TMEFF2: variants seen among roughly 807,000 people sequenced by gnomAD.
The protein encoded by TMEFF2 is tomoregulin-2.
In TMEFF2, 28 loss-of-function variants were observed where a neutral mutation model predicts 53.8. The ratio of observed to expected loss-of-function variants is 0.52; its 90% CI spans 0.39 to 0.71. The LOEUF (loss-of-function observed/expected upper bound fraction) is 0.71, where lower values mean the gene tolerates loss of function less well. Among genes scored for constraint, TMEFF2 ranks in the 30% least tolerant of loss-of-function variants. The pLI is 0.00. For synonymous variants in TMEFF2, 162 were observed against 166.3 expected (o/e 0.97, Z 0.20); for missense variants, 353 against 455.2 (o/e 0.78, Z 2.04).
intron 4 of TMEFF2, among the ~76,000 whole-genome samples, chr2:192,164,094 A>G (rs1212504375): frequency 1.3e-5 from 2 of 152,172 alleles, no homozygotes; most frequent in Non-Finnish European, 2.9e-5. Flanking sequence ...CACAGATGCC[A>G]GAGCAATCTT....
chr2:192,030,011 AAG>A (rs1246135537), intron 5 of TMEFF2, among the ~76,000 whole-genome samples: 1 of 152,220 alleles, frequency 6.6e-6, no homozygotes, highest in Non-Finnish European at 1.5e-5. Flanking sequence ...GAGAATAAAA[AAG>A]GCAAATAATA....
At chr2:192,188,673 TA>T (rs765280802) in intron 2 of TMEFF2, among the ~76,000 whole-genome samples, 27 of 152,198 alleles carry the variant, frequency 1.8e-4, no homozygotes, top group Non-Finnish European at 3.1e-4. Flanking sequence ...CTGAATTAGG[TA>T]ATACCTGAAA....
intron 9 of TMEFF2, among the ~76,000 whole-genome samples, chr2:191,951,503 AG>A (rs1691881741): frequency 6.6e-6 from 1 of 152,136 alleles, no homozygotes; most frequent in Non-Finnish European, 1.5e-5. Flanking sequence ...AGACCAGATG[AG>A]GAAGACGAAA....
intron 4 of TMEFF2, among the ~76,000 whole-genome samples, chr2:192,077,148 G>A (rs1688451420): frequency 6.6e-6 from 1 of 152,148 alleles, no homozygotes; most frequent in Admixed American, 6.6e-5. Context: ...TGACCAGAAG[G>A]TGGAAAATAG....
chr2:192,120,723 T>A (rs1016104123), intron 4 of TMEFF2, among the ~76,000 whole-genome samples: 3 of 152,134 alleles, frequency 2.0e-5, no homozygotes, highest in Non-Finnish European at 4.4e-5. Flanking sequence ...CACTCTTTCA[T>A]AAATTTATTG....
At chr2:192,018,243 A>G (rs559108219) in intron 5 of TMEFF2, among the ~76,000 whole-genome samples, 52 of 152,162 alleles carry the variant, frequency 3.4e-4, no homozygotes, top group Non-Finnish European at 6.0e-4. Flanking sequence ...TAATTGGCAA[A>G]CTCACTTGAG....
chr2:191,999,225 A>G lies in TMEFF2; in HGVS notation c.537-17T>C, dbSNP rs1265990057. On this transcript the variant is annotated splice_polypyrimidine_tract_variant and intron_variant, in intron 5 of 9. Transcript: ENST00000272771. ...CACACACACCTAAAAAAAGAGAGAA[A>G]TAAAAACATGTAACATCAATAGTGT... The G allele has an allele frequency of 3.2e-6, 5 of 1,565,996 alleles. No individual in the cohort carries two copies. Among genetic ancestry groups the G allele is most frequent in the Non-Finnish European group, 4.4e-6 (5 of 1,148,546 alleles).
intron 5 of TMEFF2, among the ~76,000 whole-genome samples, chr2:192,046,680 TTTC>T (rs1333763187): frequency 6.6e-6 from 1 of 152,202 alleles, no homozygotes. Context: ...TTCTTTTTCT[TTTC>T]TTTCTTCCCC....
intron 5 of TMEFF2, among the ~76,000 whole-genome samples, chr2:192,003,342 T>C (rs1181437117): frequency 6.6e-6 from 1 of 152,166 alleles, no homozygotes; most frequent in East Asian, 1.9e-4. Flanking sequence ...TTCTACATAC[T>C]GAAAGTACAA....
At chr2:192,146,554 ACTG>A (rs1006094146) in intron 4 of TMEFF2, among the ~76,000 whole-genome samples, 2 of 151,988 alleles carry the variant, frequency 1.3e-5, no homozygotes, top group African/African-American at 2.4e-5. Flanking sequence ...AGTCATGTGA[ACTG>A]CTACATTTCT....
At chr2:192,063,755 G>A (rs999955818) in intron 4 of TMEFF2, among the ~76,000 whole-genome samples, 1 of 151,698 alleles carries the variant, frequency 6.6e-6, no homozygotes, top group Non-Finnish European at 1.5e-5. Flanking sequence ...TAAACTTTCA[G>A]TAGTCTTATG....
rs1425665598 is a variant in TMEFF2 at position 191,950,228 on chromosome 2, C to G, written c.*83G>C. The stretch of plus-strand genomic sequence containing the variant: ...CAAATGCAAGGCAACATGTGTAGAT[C>G]TCTTGTCTTATTCTTTTGTCTATAA... On this transcript the variant is annotated 3_prime_UTR_variant, in exon 10 of 10. Transcript: ENST00000272771. 4 of 1,583,686 alleles carry G rather than the reference C, an allele frequency of 2.5e-6. No homozygotes were observed. Among genetic ancestry groups the G allele is most frequent in the Non-Finnish European group, 3.4e-6 (4 of 1,165,186 alleles).
intron 4 of TMEFF2, among the ~76,000 whole-genome samples, chr2:192,147,762 C>A (rs2105996971): frequency 6.6e-6 from 1 of 152,156 alleles, no homozygotes; most frequent in East Asian, 1.9e-4. Flanking sequence ...ACTTGACTTT[C>A]AACATGATAG....
Position 192,002,741 on chromosome 2 carries a change from A to AATC in TMEFF2, c.537-3536_537-3534dup, listed in dbSNP as rs374477008. Among the ~76,000 whole-genome samples the AATC allele has an allele frequency of 3.3e-3, 496 of 152,232 alleles. 8 individuals are homozygous for AATC. The highest frequency in any genetic ancestry group is 0.026 in the South Asian group (125 of 4,816). ...GCTACTCAGGAGGCTGAGGCAGGAG[A>AATC]ATCACTTGAACGGGGGAGGCGGAGG... On this transcript the variant is annotated intron_variant, in intron 5 of 9. Coordinates refer to ENST00000272771, the MANE Select transcript of TMEFF2 (RefSeq NM_016192.4).
chr2:192,010,002 G>A (rs1686587551), intron 5 of TMEFF2, among the ~76,000 whole-genome samples: 1 of 152,154 alleles, frequency 6.6e-6, no homozygotes, highest in African/African-American at 2.4e-5. Flanking sequence ...TTTCTAAGTT[G>A]TTTAAACAAA....
chr2:192,097,951 G>A (rs1023452899), intron 4 of TMEFF2, among the ~76,000 whole-genome samples: 1 of 152,262 alleles, frequency 6.6e-6, no homozygotes, highest in South Asian at 2.1e-4. Flanking sequence ...GGACGGAAGG[G>A]AGAATGAAGA....
intron 4 of TMEFF2, among the ~76,000 whole-genome samples, chr2:192,104,405 G>T (rs1199111745): frequency 6.6e-6 from 1 of 151,942 alleles, no homozygotes; most frequent in Non-Finnish European, 1.5e-5. Context: ...TACATAAGAG[G>T]TTTTCTTTTA....
chr2:192,069,964 A>ATGTG lies in TMEFF2; in HGVS notation c.440-12193_440-12190dup, dbSNP rs377496762. On this transcript the variant is annotated intron_variant, in intron 4 of 9. Coordinates refer to ENST00000272771, the MANE Select transcript of TMEFF2 (RefSeq NM_016192.4). ...CCCTGTTTTTTCTAGATTTAGAAAA[A>ATGTG]TGTGTGTGTGTGTGTGTGTGTGTGT... Among the ~76,000 whole-genome samples the ATGTG allele has an allele frequency of 3.3e-3, 282 of 86,524 alleles. 2 individuals are homozygous for ATGTG. Among genetic ancestry groups the ATGTG allele is most frequent in the South Asian group, 8.4e-3 (18 of 2,146 alleles). The allele number at this position is 86,524 out of a possible 152,430, so 56.8% of individuals were successfully genotyped here. A position where few individuals can be genotyped will look rare whatever the true frequency, so the allele number is the denominator to read the frequency against.
intron 7 of TMEFF2, among the ~76,000 whole-genome samples, chr2:191,978,835 T>C (rs1418598883): frequency 2.0e-5 from 3 of 152,172 alleles, no homozygotes; most frequent in Non-Finnish European, 4.4e-5. Context: ...AAGATTTTTT[T>C]CTTCTTATGG....
Sources: allele counts gnomAD v4.1 joint callset (sites outside exome capture counted in the v4.1 genomes callset), GRCh38; gene constraint gnomAD v4.1.1; transcripts MANE v1.5; gene names NCBI Gene and HGNC (gene_info 2026-07-23, HGNC 2026-07-21).